The following HPSE2 variants were observed in gnomAD, a reference collection of about 807,000 sequenced individuals.
The protein encoded by HPSE2 is inactive heparanase-2.
HPSE2 carries 38 observed loss-of-function variants against 60.5 expected under a neutral mutation model. That is an observed-to-expected ratio of 0.63 (90% CI 0.48 to 0.82). The LOEUF (loss-of-function observed/expected upper bound fraction) is 0.82. Among genes scored for constraint, HPSE2 ranks in the 40% least tolerant of loss-of-function variants. The pLI is 0.00. For synonymous variants in HPSE2, 295 were observed against 293.2 expected (o/e 1.01, Z -0.06); for missense variants, 713 against 740.4 (o/e 0.96, Z 0.43).
chr10:98,846,473 A>G (rs1313781796), intron 3 of HPSE2, among the ~76,000 whole-genome samples: 1 of 152,216 alleles, frequency 6.6e-6, no homozygotes, highest in African/African-American at 2.4e-5. Context: ...GCTTTGCTAC[A>G]TATCTCCTCT....
chr10:99,091,047 A>C (rs1178301245), intron 3 of HPSE2, among the ~76,000 whole-genome samples: 1 of 152,090 alleles, frequency 6.6e-6, no homozygotes, highest in Non-Finnish European at 1.5e-5. Context: ...TTTTACCTTA[A>C]CTACACATTT....
intron 6 of HPSE2, among the ~76,000 whole-genome samples, chr10:98,672,340 G>C (rs1947527808): frequency 6.6e-6 from 1 of 152,168 alleles, no homozygotes; most frequent in Non-Finnish European, 1.5e-5. Context: ...CCTGATCCCA[G>C]AAACAGCCAT....
chr10:98,776,220 G>T (rs977022405), intron 3 of HPSE2, among the ~76,000 whole-genome samples: 2 of 150,106 alleles, frequency 1.3e-5, no homozygotes, highest in Non-Finnish European at 1.5e-5. Flanking sequence ...ATCACTTGAG[G>T]TCAAGAGTTT....
chr10:98,629,963 A>G (rs767772311), intron 7 of HPSE2, among the ~76,000 whole-genome samples: 8 of 152,312 alleles, frequency 5.3e-5, no homozygotes, highest in Non-Finnish European at 1.0e-4. Flanking sequence ...CCCATAGTCT[A>G]TTTTATCTAT....
intron 6 of HPSE2, among the ~76,000 whole-genome samples, chr10:98,687,508 G>A (rs976887473): frequency 3.3e-5 from 5 of 152,134 alleles, no homozygotes; most frequent in African/African-American, 1.2e-4. Context: ...AAAGTCAGAT[G>A]ATTAGCAACT....
At chr10:98,835,775 C>T (rs2134670541) in intron 3 of HPSE2, among the ~76,000 whole-genome samples, 1 of 152,250 alleles carries the variant, frequency 6.6e-6, no homozygotes, top group East Asian at 1.9e-4. Flanking sequence ...TAGCTATATG[C>T]CTCTCAAGTT....
In HPSE2 at chr10:98,688,821, A is replaced by G. The variant is rs187699470; in HGVS notation, c.1004+5079T>C. On this transcript the variant is annotated intron_variant, in intron 6 of 11. Coordinates refer to ENST00000370552, the MANE Select transcript of HPSE2 (RefSeq NM_021828.5). The stretch of plus-strand genomic sequence containing the variant: ...CACAGATCTACTGGCTTTCATTGAT[A>G]AAAAAAAGTCTTTATTTAATTTTCA... Among the ~76,000 whole-genome samples, 202 of 151,026 alleles carry G rather than the reference A, an allele frequency of 1.3e-3. 1 individual carries two copies. Among genetic ancestry groups the G allele is most frequent in the African/African-American group, 4.5e-3 (188 of 41,370 alleles).
intron 3 of HPSE2, among the ~76,000 whole-genome samples, chr10:99,113,050 T>A (rs1844534904): frequency 1.3e-5 from 2 of 152,244 alleles, no homozygotes; most frequent in Admixed American, 1.3e-4. Flanking sequence ...TCATTTTCAC[T>A]TTGCATTGTG....
At chr10:98,950,457 A>G (rs766530906) in intron 3 of HPSE2, among the ~76,000 whole-genome samples, 7 of 152,212 alleles carry the variant, frequency 4.6e-5, no homozygotes, top group Non-Finnish European at 8.8e-5. Flanking sequence ...AATACATTAG[A>G]AGGTACCCAG....
At chr10:99,249,881 T>C in the HPSE2 span, among the ~76,000 whole-genome samples, 1 of 152,104 alleles carries the variant, frequency 6.6e-6, no homozygotes, top group Non-Finnish European at 1.5e-5. Context: ...TGGTGACTCA[T>C]GCCTGTAATC....
chr10:99,284,331 C>T, the HPSE2 span, among the ~76,000 whole-genome samples: 1 of 151,862 alleles, frequency 6.6e-6, no homozygotes, highest in Non-Finnish European at 1.5e-5. Flanking sequence ...AAGTCCAATA[C>T]CTTCTCATGA....
rs1942103914 is a variant in HPSE2, at chr10:98,503,741, T to C, written c.1321-13545A>G. On this transcript the variant is annotated intron_variant, in intron 9 of 11. Coordinates refer to ENST00000370552, the MANE Select transcript of HPSE2 (RefSeq NM_021828.5). ...ACCTGGTTGAGACTGGAGGCTATTA[T>C]TCTAAGTAAACTAACTCAGGAATGT... is the stretch of plus-strand genomic sequence containing the variant. Among the ~76,000 whole-genome samples, 2 of 152,206 alleles carry C rather than the reference T, an allele frequency of 1.3e-5. 1 individual carries two copies. Among genetic ancestry groups the C allele is most frequent in the South Asian group, 4.1e-4 (2 of 4,836 alleles).
chr10:98,676,241 T>C (rs950448556), intron 6 of HPSE2, among the ~76,000 whole-genome samples: 3 of 152,200 alleles, frequency 2.0e-5, no homozygotes, highest in African/African-American at 4.8e-5. Context: ...TTTCTCAAAC[T>C]TTCCCTCCTT....
chr10:98,808,195 C>T (rs191341516), intron 3 of HPSE2, among the ~76,000 whole-genome samples: 1 of 152,202 alleles, frequency 6.6e-6, no homozygotes, highest in East Asian at 1.9e-4. Flanking sequence ...ACTTCTGAAC[C>T]CCAAAAGAAG....
chr10:98,697,495 A>G (rs10883164), intron 5 of HPSE2, among the ~76,000 whole-genome samples: 82,793 of 151,970 alleles, frequency 0.54, 23,907 homozygotes, highest in South Asian at 0.75. Flanking sequence ...CCTCTGGGAA[A>G]TATGGGACTA....
chr10:99,182,972 A>AC (rs1564876108), intron 2 of HPSE2, among the ~76,000 whole-genome samples: 12 of 151,732 alleles, frequency 7.9e-5, no homozygotes, highest in East Asian at 1.9e-4. Flanking sequence ...CACACACACA[A>AC]AAAAAACTAA....
chr10:98,810,754 A>G (rs1305300530), intron 3 of HPSE2, among the ~76,000 whole-genome samples: 1 of 152,050 alleles, frequency 6.6e-6, no homozygotes, highest in Non-Finnish European at 1.5e-5. Flanking sequence ...ACAGTTGATG[A>G]ACTAAAAAAA....
intron 11 of HPSE2, among the ~76,000 whole-genome samples, chr10:98,466,931 A>G (rs539451487): frequency 6.6e-6 from 1 of 152,042 alleles, no homozygotes; most frequent in South Asian, 2.1e-4. Context: ...CCTATTATCT[A>G]CTTCTCCAAC....
chr10:98,952,948 T>C (rs185830203), intron 3 of HPSE2, among the ~76,000 whole-genome samples: 3 of 152,158 alleles, frequency 2.0e-5, no homozygotes, highest in East Asian at 3.9e-4. Flanking sequence ...ATATACGAAA[T>C]TAGGGAAGGT....
Sources: allele counts gnomAD v4.1 joint callset (sites outside exome capture counted in the v4.1 genomes callset), GRCh38; gene constraint gnomAD v4.1.1; transcripts MANE v1.5; gene names NCBI Gene and HGNC (gene_info 2026-07-23, HGNC 2026-07-21).